CD4: variants seen among roughly 807,000 people sequenced by gnomAD.
CD4 encodes the protein CD4 molecule, also known as T-cell surface glycoprotein CD4.
In CD4, 25 loss-of-function variants were observed where a neutral mutation model predicts 50.5. The ratio of observed to expected loss-of-function variants is 0.49; its 90% CI spans 0.36 to 0.69. CD4 has a LOEUF of 0.69. CD4 is among the 30% of genes least tolerant of loss of function. The pLI is 0.00. For missense variants in CD4, 456 were observed against 548.5 expected, an observed-to-expected ratio of 0.83 and a Z score of 1.68; for synonymous variants, 207 against 221.9, an observed-to-expected ratio of 0.93 and a Z score of 0.60.
chr12:6,790,080 TAGAA>T (rs1440963684), intron 1 of CD4, among the ~76,000 whole-genome samples: 2 of 151,360 alleles, frequency 1.3e-5, no homozygotes, highest in Middle Eastern at 3.2e-3. Flanking sequence ...GGGAAAAAAT[TAGAA>T]AGAATAAATA....
At chr12:6,795,304 A>G (rs1942345650) in intron 1 of CD4, among the ~76,000 whole-genome samples, 1 of 136,966 alleles carries the variant, frequency 7.3e-6, no homozygotes, top group Non-Finnish European at 1.6e-5. Flanking sequence ...CTGTCCATCC[A>G]TCTATCTACC....
In CD4 at chr12:6,820,052, C is replaced by T. The variant is rs1444907422; in HGVS notation, c.*723C>T. ...TCAGAGAGGCTAGATGATTGATTACCAAGTGCCGGACTAGCAAGTGCTGGA... is the reference window on the plus strand; with the variant it reads ...TCAGAGAGGCTAGATGATTGATTACTAAGTGCCGGACTAGCAAGTGCTGGA... On this transcript the variant is annotated 3_prime_UTR_variant, in exon 10 of 10. Transcript: ENST00000011653. 1 of 152,334 alleles carries T rather than the reference C, an allele frequency of 6.6e-6. No individual in the cohort carries two copies. Among genetic ancestry groups the T allele is most frequent in the African/African-American group, 2.4e-5 (1 of 41,446 alleles). The allele number at this position is 152,334 out of a possible 1,614,324, so 9.4% of individuals were successfully genotyped here. A position where few individuals can be genotyped will look rare whatever the true frequency, so the allele number is the denominator to read the frequency against.
intron 3 of CD4, among the ~76,000 whole-genome samples, chr12:6,805,451 CT>C (rs1942715184): frequency 6.6e-6 from 1 of 151,234 alleles, no homozygotes; most frequent in Non-Finnish European, 1.5e-5. Flanking sequence ...ATCCCAGCTA[CT>C]TTGGAGGCTG....
At position 6,817,110 on chromosome 12, in the gene CD4, A is replaced by C. The variant is rs1555118049; in HGVS notation, c.956-20A>C. ...TACTGAATCTCAGGCCTTTGATCTC[A>C]GCCTCTCGTTCCTCTGCAGCCACTC... On this transcript the variant is annotated intron_variant, in intron 6 of 9. Transcript: ENST00000011653. The C allele has an allele frequency of 1.2e-6, 2 of 1,607,302 alleles. No homozygotes were observed. The highest frequency in any genetic ancestry group is 1.7e-6 in the Non-Finnish European group (2 of 1,173,926).
chr12:6,791,743 A>T (rs1158672039), intron 1 of CD4, among the ~76,000 whole-genome samples: 1 of 152,098 alleles, frequency 6.6e-6, no homozygotes, highest in African/African-American at 2.4e-5. Flanking sequence ...TTAGCTGGGC[A>T]TGGTAGTGTG....
At chr12:6,808,450 CAAAAAAAAAAAAAAAAAAAAA>C (rs3032789) in intron 3 of CD4, among the ~76,000 whole-genome samples, 1 of 37,800 alleles carries the variant, frequency 2.6e-5, no homozygotes, top group Non-Finnish European at 9.2e-5. Context: ...GATTCTGTCT[CAAAAAAAAAAAAAAAAAAAAA>C]AAAAAAAAAA....
In CD4 at chr12:6,814,892, C is replaced by T. The variant is rs202144555; in HGVS notation, c.507C>T (p.Leu169=). The change falls in exon 5 of 10, where the codon CTC becomes CTT. Residue 169 remains leucine, a synonymous_variant. Transcript: ENST00000011653. ...AAAACATACAGGGGGGGAAGACCCT[C>T]TCCGTGTCTCAGCTGGAGCTCCAGG... The part of the protein sequence containing the change: ...RGKNIQGGKT[L]SVSQLELQDS... 2.2e-5 allele frequency: 35 copies of T among 1,613,586 alleles called. No individual in the cohort carries two copies. The highest frequency in any genetic ancestry group is 2.8e-5 in the Non-Finnish European group (33 of 1,179,682).
rs1591568425 is a variant in CD4 at position 6,818,958 on chromosome 12, G to A, written c.1346+44G>A. The A allele has an allele frequency of 3.5e-6, 3 of 865,276 alleles. No homozygotes were observed. Among genetic ancestry groups the A allele is most frequent in the Admixed American group, 2.2e-5 (1 of 45,588 alleles). The allele number at this position is 865,276 out of a possible 1,614,324, so 53.6% of individuals were successfully genotyped here. A position where few individuals can be genotyped will look rare whatever the true frequency, so the allele number is the denominator to read the frequency against. On this transcript the variant is annotated intron_variant, in intron 9 of 9. Coordinates refer to ENST00000011653, the MANE Select transcript of CD4 (RefSeq NM_000616.5). The surrounding 1 kb of genome is among the most constrained non-coding windows in gnomAD (Gnocchi z 5.0). The stretch of plus-strand genomic sequence containing the variant: ...GGGTTGAGAGAGGGGAAAGGGGGAG[G>A]GGGAGGGAGTTAGAGAGGAGGGGGA...
intron 3 of CD4, among the ~76,000 whole-genome samples, chr12:6,813,202 G>A (rs2137909106): frequency 6.6e-6 from 1 of 150,782 alleles, no homozygotes; most frequent in South Asian, 2.1e-4. Context: ...AGCCTCCCAA[G>A]GCGGCTAATT....
chr12:6,817,512 G>A (rs1943112402), intron 7 of CD4, among the ~76,000 whole-genome samples, 182 bp downstream of exon 7: 1 of 151,954 alleles, frequency 6.6e-6, no homozygotes, highest in South Asian at 2.1e-4. Context: ...ATGAAGTGAG[G>A]TGGGTTGTGG....
intron 1 of CD4, among the ~76,000 whole-genome samples, chr12:6,794,829 G>A (rs1342336243): frequency 7.7e-6 from 1 of 129,074 alleles, no homozygotes; most frequent in East Asian, 2.4e-4. Flanking sequence ...CTGTCGCCGA[G>A]GCTGGAGTGC....
At chr12:6,808,079 C>CAAAAAAAAAA (rs34876182) in intron 3 of CD4, among the ~76,000 whole-genome samples, 3 of 70,154 alleles carry the variant, frequency 4.3e-5, no homozygotes, top group African/African-American at 9.1e-5. Context: ...GGCTCTTTCT[C>CAAAAAAAAAA]AAAAAAAAAA....
intron 1 of CD4, among the ~76,000 whole-genome samples, chr12:6,790,371 A>C (rs1469438870): frequency 6.6e-6 from 1 of 152,174 alleles, no homozygotes; most frequent in Non-Finnish European, 1.5e-5. Flanking sequence ...ATTTTTGAAC[A>C]ATGTCTAAAG....
At chr12:6,812,382 AC>A (rs1320091324) in intron 3 of CD4, among the ~76,000 whole-genome samples, 1 of 151,904 alleles carries the variant, frequency 6.6e-6, no homozygotes, top group Non-Finnish European at 1.5e-5. Context: ...AAACAAACAA[AC>A]AAAAAAAGAA....
At chr12:6,803,093 G>A (rs782287308) in intron 3 of CD4, among the ~76,000 whole-genome samples, 2 of 151,868 alleles carry the variant, frequency 1.3e-5, no homozygotes, top group African/African-American at 2.4e-5. Flanking sequence ...TAAAACCCTT[G>A]GACCTAATAA....
At chr12:6,799,598 A>T (rs950821317) in intron 1 of CD4, 13 of 153,360 alleles carry the variant, frequency 8.5e-5, no homozygotes, top group African/African-American at 3.1e-4. Flanking sequence ...CTCCTGCCTC[A>T]GCTTCCTAAG....
At chr12:6,811,298 C>G (rs781859191) in intron 3 of CD4, among the ~76,000 whole-genome samples, 1 of 152,194 alleles carries the variant, frequency 6.6e-6, no homozygotes, top group East Asian at 1.9e-4. Context: ...TTGGAGCTTC[C>G]ACTGCACCCA....
In CD4 at chr12:6,818,062, GCA is replaced by G. The variant is rs782607531; in HGVS notation, c.1157-352_1157-351del. On this transcript the variant is annotated intron_variant, in intron 7 of 9. Coordinates refer to ENST00000011653, the MANE Select transcript of CD4 (RefSeq NM_000616.5). The surrounding 1 kb of genome is among the most constrained non-coding windows in gnomAD (Gnocchi z 5.0). ...CACACATTCACACACATGCACACAC[GCA>G]CACACATTCACACATGGACTCACAC... 6.3e-5 allele frequency among the ~76,000 whole-genome samples: 9 copies of G among 143,572 alleles called. 1 individual carries two copies. Among genetic ancestry groups the G allele is most frequent in the Non-Finnish European group, 7.6e-5 (5 of 65,930 alleles). 94.2% of individuals were successfully genotyped at this position (143,572 alleles called of 152,430 possible).
In CD4 at chr12:6,793,701, TATC is replaced by T. The variant is rs781744334; in HGVS notation, c.-68+4040_-68+4042del. Among the ~76,000 whole-genome samples the T allele has an allele frequency of 5.4e-3, 198 of 36,856 alleles. 1 individual carries two copies. The highest frequency in any genetic ancestry group is 0.017 in the African/African-American group (163 of 9,334). The allele number at this position is 36,856 out of a possible 152,430, so 24.2% of individuals were successfully genotyped here. A position where few individuals can be genotyped will look rare whatever the true frequency, so the allele number is the denominator to read the frequency against. On this transcript the variant is annotated intron_variant, in intron 1 of 9. Coordinates refer to ENST00000011653, the MANE Select transcript of CD4 (RefSeq NM_000616.5). ...CTATCTATCTATCTATCTATCTATC[TATC>T]TTTTTTTTTTTTGAGACAAAATCTC...
Sources: allele counts gnomAD v4.1 joint callset (sites outside exome capture counted in the v4.1 genomes callset), GRCh38; gene constraint gnomAD v4.1.1; non-coding constraint Gnocchi (gnomAD v3.1); transcripts MANE v1.5; gene names NCBI Gene and HGNC (gene_info 2026-07-23, HGNC 2026-07-21).